Variants in HPCAL1 observed in about 807,000 individuals in gnomAD.
HPCAL1 encodes the protein hippocalcin like 1, also known as hippocalcin-like protein 1.
Under a neutral mutation model 17.1 loss-of-function variants are expected in HPCAL1, and 8 were observed. That is an observed-to-expected ratio of 0.47 (90% CI 0.27 to 0.84). The LOEUF (loss-of-function observed/expected upper bound fraction) is 0.84. HPCAL1 is among the 40% of genes least tolerant of loss of function. The pLI is 0.13. For missense variants in HPCAL1, 165 were observed against 271.1 expected, an observed-to-expected ratio of 0.61 and a Z score of 2.75; for synonymous variants, 112 against 111.4, an observed-to-expected ratio of 1.01 and a Z score of -0.03.
At chr2:10,315,175 C>T (rs570443190) in intron 1 of HPCAL1, among the ~76,000 whole-genome samples, 96 of 152,140 alleles carry the variant, frequency 6.3e-4, no homozygotes, top group African/African-American at 2.2e-3. Context: ...TGCCTGTAGT[C>T]CCAGCTACAC....
rs184359100 is a variant in HPCAL1, at chr2:10,372,061, T to C, written c.-110-24774T>C. Among the ~76,000 whole-genome samples the C allele has an allele frequency of 1.5e-4, 23 of 152,386 alleles. No homozygotes were observed. In the East Asian group the frequency reaches 4.2e-3, roughly 28 times the overall value. ...ATACACACAATGGTCATCTTTGTCT[T>C]ATTTGAAAGCCAAACACGTTGCTTA... On this transcript the variant is annotated intron_variant, in intron 1 of 4. Transcript: ENST00000307845.
chr2:10,335,282 T>C (rs1664647640), intron 1 of HPCAL1, among the ~76,000 whole-genome samples: 1 of 152,226 alleles, frequency 6.6e-6, no homozygotes, highest in Non-Finnish European at 1.5e-5. Context: ...GTGTTCTCTG[T>C]TGCCCTCTTG....
chr2:10,353,561 C>CTTTTTAAAT (rs1437585238), intron 1 of HPCAL1, among the ~76,000 whole-genome samples: 2 of 152,142 alleles, frequency 1.3e-5, no homozygotes, highest in Admixed American at 1.3e-4. Context: ...GGGCAGGTTT[C>CTTTTTAAAT]TTTTTAAATT....
intron 1 of HPCAL1, among the ~76,000 whole-genome samples, chr2:10,351,897 T>C (rs1665863408): frequency 7.5e-6 from 1 of 133,938 alleles, no homozygotes. Flanking sequence ...CCTTCCTTCC[T>C]TCTTTCTTTC....
intron 1 of HPCAL1, among the ~76,000 whole-genome samples, chr2:10,337,131 T>C (rs1217407589): frequency 2.6e-5 from 4 of 152,070 alleles, no homozygotes; most frequent in African/African-American, 9.7e-5. Context: ...TCACATTGCA[T>C]TGGCTGAAGC....
rs143577872 is a variant in HPCAL1 at position 10,383,631 on chromosome 2, G to A, written c.-110-13204G>A. Among the ~76,000 whole-genome samples, 237 of 151,904 alleles carry A rather than the reference G, an allele frequency of 1.6e-3. 3 individuals are homozygous for A. The highest frequency in any genetic ancestry group is 5.5e-3 in the African/African-American group (228 of 41,390). Reference sequence around the variant, plus strand: ...GCCCACTTCAGCCTGCCAAAGTGCTGGGATTACAAGTGTGAGCCACCCAGC... The same window carrying A: ...GCCCACTTCAGCCTGCCAAAGTGCTAGGATTACAAGTGTGAGCCACCCAGC... On this transcript the variant is annotated intron_variant, in intron 1 of 4. Transcript: ENST00000307845.
In HPCAL1 at chr2:10,383,521, C is replaced by T. The variant is rs368621398; in HGVS notation, c.-110-13314C>T. The stretch of plus-strand genomic sequence containing the variant: ...GCGATTACAGGCACCTGCCACCACA[C>T]CCAGCTAATTTTTGTATTTTTAGTA... On this transcript the variant is annotated intron_variant, in intron 1 of 4. Transcript: ENST00000307845. 9.4e-4 allele frequency among the ~76,000 whole-genome samples: 143 copies of T among 152,186 alleles called. 3 individuals carry two copies. The East Asian group carries it at 0.023, about 25-fold the overall frequency.
intron 1 of HPCAL1, among the ~76,000 whole-genome samples, chr2:10,393,652 G>A (rs1386441814): frequency 2.0e-5 from 3 of 152,226 alleles, no homozygotes; most frequent in Non-Finnish European, 2.9e-5. Flanking sequence ...CAGGAAGCTG[G>A]AGACAGTGGG....
intron 1 of HPCAL1, among the ~76,000 whole-genome samples, chr2:10,380,395 G>A (rs761155002): frequency 1.3e-4 from 20 of 152,102 alleles, no homozygotes; most frequent in Non-Finnish European, 2.4e-4. Flanking sequence ...GTGGGTGTGC[G>A]CTGCTTGTGT....
At position 10,394,226 on chromosome 2, in the gene HPCAL1, G is replaced by A. The variant is rs144847978; in HGVS notation, c.-110-2609G>A. Among the ~76,000 whole-genome samples, 295 of 152,280 alleles carry A rather than the reference G, an allele frequency of 1.9e-3. 1 individual carries two copies. The highest frequency in any genetic ancestry group is 2.7e-3 in the Non-Finnish European group (182 of 68,024). ...TGGGCGCCCCACACCCCATTTAGCC[G>A]AGTGTCACCTGAGCTGGTGTCCCGG... On this transcript the variant is annotated intron_variant, in intron 1 of 4. Transcript: ENST00000307845. The surrounding 1 kb of genome is among the most constrained non-coding windows in gnomAD (Gnocchi z 5.0).
intron 1 of HPCAL1, among the ~76,000 whole-genome samples, chr2:10,327,387 G>A (rs1022712168): frequency 2.6e-5 from 4 of 152,178 alleles, no homozygotes; most frequent in East Asian, 1.9e-4. Flanking sequence ...GCCCCCTGCC[G>A]AGTGGCTAGC....
At chr2:10,355,932 C>T (rs1414632892) in intron 1 of HPCAL1, among the ~76,000 whole-genome samples, 2 of 152,202 alleles carry the variant, frequency 1.3e-5, no homozygotes, top group African/African-American at 4.8e-5. Flanking sequence ...GTTCTAGTGA[C>T]AGCCCTGGGC....
chr2:10,422,788 C>T (rs1040545187), intron 3 of HPCAL1, among the ~76,000 whole-genome samples, 195 bp from the exon 4 acceptor site: 1 of 152,250 alleles, frequency 6.6e-6, no homozygotes, highest in African/African-American at 2.4e-5. Flanking sequence ...CTTCTGCCAG[C>T]TCTGCTCTTG....
chr2:10,356,179 C>G (rs1169235507), intron 1 of HPCAL1, among the ~76,000 whole-genome samples: 1 of 152,150 alleles, frequency 6.6e-6, no homozygotes, highest in Non-Finnish European at 1.5e-5. Flanking sequence ...TGATGGCCAG[C>G]AAGGTAGGGC....
chr2:10,383,439 T>G (rs1046646247), intron 1 of HPCAL1, among the ~76,000 whole-genome samples: 7 of 152,072 alleles, frequency 4.6e-5, no homozygotes, highest in Non-Finnish European at 7.4e-5. Context: ...CTCGGCTCAC[T>G]GCAACCTCCA....
chr2:10,332,544 A>G (rs1216590566), intron 1 of HPCAL1, among the ~76,000 whole-genome samples: 1 of 151,732 alleles, frequency 6.6e-6, no homozygotes, highest in Non-Finnish European at 1.5e-5. Context: ...GGGCCCCTGT[A>G]CTCCCTAGCT....
intron 2 of HPCAL1, among the ~76,000 whole-genome samples, chr2:10,409,777 C>CTTTTTTTT (rs34031495): frequency 1.6e-5 from 1 of 62,506 alleles, no homozygotes; most frequent in African/African-American, 7.0e-5. Flanking sequence ...GAGCCTCAGT[C>CTTTTTTTT]TTTTTTTTTT....
chr2:10,397,660 T>C (rs1446273960), intron 2 of HPCAL1, among the ~76,000 whole-genome samples: 2 of 152,134 alleles, frequency 1.3e-5, no homozygotes, highest in Non-Finnish European at 2.9e-5. Context: ...CCGGAATCCT[T>C]CCTGGCCCTG....
At chr2:10,422,945 C>A in intron 3 of HPCAL1, 38 bp from the exon 4 acceptor site, 1 of 1,474,454 alleles carries the variant, frequency 6.8e-7, no homozygotes, top group African/African-American at 1.4e-5. Flanking sequence ...CCCAAGCCCC[C>A]GGGCCTCTGA....
Sources: gnomAD v4.1 joint callset for allele counts (sites outside exome capture counted in the v4.1 genomes callset) on GRCh38, gnomAD v4.1.1 for gene constraint, Gnocchi (gnomAD v3.1) non-coding constraint, MANE v1.5 for transcripts, NCBI Gene and HGNC (gene_info 2026-07-23, HGNC 2026-07-21) for gene names.